NRP1: variants seen among roughly 807,000 people sequenced by gnomAD.
The protein encoded by NRP1 is neuropilin 1.
In NRP1, 35 loss-of-function variants were observed where a neutral mutation model predicts 106.7. That is an observed-to-expected ratio of 0.33 (90% CI 0.25 to 0.43). The LOEUF is 0.43. Among genes scored for constraint, NRP1 ranks in the 20% least tolerant of loss-of-function variants. The pLI is 1.00. For synonymous variants in NRP1, 437 were observed against 417.9 expected (o/e 1.05, Z -0.56); for missense variants, 1,024 against 1,170.4 (o/e 0.87, Z 1.83).
At chr10:33,264,280 C>T (rs182529148) in intron 3 of NRP1, among the ~76,000 whole-genome samples, 3 of 152,252 alleles carry the variant, frequency 2.0e-5, no homozygotes, top group African/African-American at 4.8e-5. Context: ...TTTATAAAGG[C>T]GAGGGAGAGA....
rs766104628 is a variant in NRP1 at position 33,330,848 on chromosome 10, G to C, written c.108C>G (p.Pro36=). The C allele has an allele frequency of 6.2e-7, 1 of 1,609,764 alleles. No individual in the cohort carries two copies. Among genetic ancestry groups the C allele is most frequent in the Non-Finnish European group, 8.5e-7 (1 of 1,177,802 alleles). The stretch of plus-strand genomic sequence containing the variant: ...GATAACCAGGAGATGTAAGGTACCC[G>C]GGGCTTTCAATTTTTATAGTATCGC... The part of the protein sequence containing the change: ...KCGDTIKIES[P]GYLTSPGYPH... The change falls in exon 2 of 17, where the codon CCC becomes CCG. Residue 36 remains proline (P), a synonymous_variant. Coordinates refer to ENST00000374867, the MANE Select transcript of NRP1 (RefSeq NM_003873.7).
chr10:33,319,515 C>T (rs1847302160), intron 2 of NRP1, among the ~76,000 whole-genome samples: 2 of 151,956 alleles, frequency 1.3e-5, no homozygotes, highest in South Asian at 4.2e-4. Flanking sequence ...TTCTTTCCCT[C>T]CTCACAATAA....
At position 33,186,204 on chromosome 10, in the gene NRP1, G is replaced by A. The variant is rs1274538414; in HGVS notation, c.2334+13C>T. 6.4e-7 allele frequency: 1 copy of A among 1,571,796 alleles called. No individual in the cohort carries two copies. Among genetic ancestry groups the A allele is most frequent in the South Asian group, 1.2e-5 (1 of 84,920 alleles). On this transcript the variant is annotated intron_variant, in intron 14 of 16. Transcript: ENST00000374867. ...CAGCCACTGCCCTCCCCAGCCTTGG[G>A]AAGAGGTCATACCTGATAAAGTTTC... is the stretch of plus-strand genomic sequence containing the variant.
chr10:33,179,914 G>A lies in NRP1; in HGVS notation c.*162C>T. ...AGTCCGATGGTGAACACAGCTCCTT[G>A]TCCATGTCTGTCGGCCATACTCATT... On this transcript the variant is annotated 3_prime_UTR_variant, in exon 17 of 17. Coordinates refer to ENST00000374867, the MANE Select transcript of NRP1 (RefSeq NM_003873.7). 1.4e-6 allele frequency: 1 copy of A among 711,452 alleles called. No individual in the cohort carries two copies. Among genetic ancestry groups the A allele is most frequent in the Non-Finnish European group, 2.4e-6 (1 of 412,528 alleles). The allele number at this position is 711,452 out of a possible 1,614,324, so 44.1% of individuals were successfully genotyped here.
At chr10:33,304,033 T>C (rs1015420315) in intron 2 of NRP1, among the ~76,000 whole-genome samples, 2 of 152,226 alleles carry the variant, frequency 1.3e-5, no homozygotes, top group African/African-American at 4.8e-5. Context: ...AAGCTATAAA[T>C]TGGGGATTCA....
Position 33,207,717 on chromosome 10 carries a change from CTG to C in NRP1, c.1615-3_1615-2del, listed in dbSNP as rs1564381961. 1 of 1,612,704 alleles carries C rather than the reference CTG, an allele frequency of 6.2e-7. No homozygotes were observed. The highest frequency in any genetic ancestry group is 8.5e-7 in the Non-Finnish European group (1 of 1,179,568). ...CATAGTTGTTGTTGCCCTCAAAAGA[CTG>C]TGAAGCATGGAAAACACAGGGCATT... On this transcript the variant is annotated splice_acceptor_variant and splice_polypyrimidine_tract_variant and intron_variant, in intron 9 of 16. Transcript: ENST00000374867. LOFTEE classifies it high-confidence loss of function.
At chr10:33,237,043 A>G (rs1159654402) in intron 6 of NRP1, among the ~76,000 whole-genome samples, 1 of 151,902 alleles carries the variant, frequency 6.6e-6, no homozygotes, top group Non-Finnish European at 1.5e-5. Flanking sequence ...CTAGCAACTG[A>G]TAAACTATGG....
chr10:33,240,213 A>C (rs1460192902), intron 6 of NRP1, among the ~76,000 whole-genome samples: 2 of 152,122 alleles, frequency 1.3e-5, no homozygotes, highest in East Asian at 1.9e-4. Flanking sequence ...ACACACACAC[A>C]CCTCTCCAGG....
At position 33,186,347 on chromosome 10, in the gene NRP1, G is replaced by A. The variant is rs766507281; in HGVS notation, c.2204C>T (p.Thr735Ile). 2 of 1,614,164 alleles carry A rather than the reference G, an allele frequency of 1.2e-6. No individual in the cohort carries two copies. Among genetic ancestry groups the A allele is most frequent in the Non-Finnish European group, 1.7e-6 (2 of 1,180,032 alleles). Residue 735 changes from threonine (T) to isoleucine (I), a missense_variant, in exon 14 of 17, where the codon ACA becomes ATA. This residue lies in a region of NRP1 where 562 missense variants were observed against 620.3 expected (regional missense o/e 0.91). Coordinates refer to ENST00000374867, the MANE Select transcript of NRP1 (RefSeq NM_003873.7). Reference sequence around the variant, plus strand: ...CTGGTAGCGCAGTTTGACCCTGAGTGTGCCGACGTGGGACCCAGACATGTG... The same window carrying A: ...CTGGTAGCGCAGTTTGACCCTGAGTATGCCGACGTGGGACCCAGACATGTG... ...WYHMSGSHVG[T>I]LRVKLRYQKP...
At chr10:33,305,909 C>T (rs556617248) in intron 2 of NRP1, among the ~76,000 whole-genome samples, 11 of 152,056 alleles carry the variant, frequency 7.2e-5, no homozygotes, top group Non-Finnish European at 1.3e-4. Context: ...GCTGGGACTA[C>T]AGGCACATAC....
At chr10:33,284,851 A>C (rs977399414) in intron 2 of NRP1, among the ~76,000 whole-genome samples, 8 of 152,236 alleles carry the variant, frequency 5.3e-5, no homozygotes. Flanking sequence ...CTTTTATGAC[A>C]TAATACCTAT....
chr10:33,306,347 G>T (rs2132741648), intron 2 of NRP1, among the ~76,000 whole-genome samples: 1 of 118,908 alleles, frequency 8.4e-6, no homozygotes, highest in Admixed American at 9.5e-5. Context: ...CATTCTGCGG[G>T]TCAGAAGGGT....
intron 6 of NRP1, among the ~76,000 whole-genome samples, chr10:33,241,591 G>T (rs1403158418): frequency 1.3e-5 from 2 of 152,110 alleles, no homozygotes; most frequent in African/African-American, 4.8e-5. Flanking sequence ...ACTTGGAGGT[G>T]ACAAGAGGTG....
At chr10:33,328,225 T>C (rs1848030451) in intron 2 of NRP1, among the ~76,000 whole-genome samples, 1 of 152,122 alleles carries the variant, frequency 6.6e-6, no homozygotes, top group South Asian at 2.1e-4. Context: ...ACCAAAAAGG[T>C]GCTCCTTTAA....
chr10:33,180,482 A>T (rs1485935868), intron 16 of NRP1, 117 bp from the exon 17 acceptor site: 1 of 1,003,408 alleles, frequency 1.0e-6, no homozygotes, highest in Non-Finnish European at 1.5e-6. Flanking sequence ...TTTGCCTGTC[A>T]TATCTGACTC....
chr10:33,199,831 C>A (rs1340182007), intron 11 of NRP1, among the ~76,000 whole-genome samples: 1 of 152,122 alleles, frequency 6.6e-6, no homozygotes, highest in Admixed American at 6.5e-5. Context: ...AGATTTGTGA[C>A]GATCTTTATT....
In NRP1 at chr10:33,325,271, G is replaced by C. The variant is rs370691638; in HGVS notation, c.248+5437C>G. ...CAGTTTTCCATAAAACAAGGATTTTGTTTTAGTCTAAGTGATGCTCTAAAA... is the reference window on the plus strand; with the variant it reads ...CAGTTTTCCATAAAACAAGGATTTTCTTTTAGTCTAAGTGATGCTCTAAAA... On this transcript the variant is annotated intron_variant, in intron 2 of 16. Transcript: ENST00000374867. Among the ~76,000 whole-genome samples, 5 of 152,248 alleles carry C rather than the reference G, an allele frequency of 3.3e-5. No individual in the cohort carries two copies. In the East Asian group the frequency reaches 9.6e-4, roughly 29 times the overall value.
chr10:33,263,567 T>C (rs1842718761), intron 4 of NRP1, 79 bp downstream of exon 4: 2 of 1,007,462 alleles, frequency 2.0e-6, no homozygotes, highest in African/African-American at 3.2e-5. Flanking sequence ...ATGATTCATG[T>C]ATCATGAGAC....
chr10:33,252,185 C>T (rs1267645092), intron 6 of NRP1, among the ~76,000 whole-genome samples: 1 of 152,104 alleles, frequency 6.6e-6, no homozygotes, highest in African/African-American at 2.4e-5. Flanking sequence ...AGCACAACGA[C>T]GTGGAGTTTG....
Sources: gnomAD v4.1 joint callset for allele counts (sites outside exome capture counted in the v4.1 genomes callset) on GRCh38, gnomAD v4.1.1 for gene constraint, gnomAD v4.1.1 regional missense constraint, MANE v1.5 for transcripts, NCBI Gene and HGNC (gene_info 2026-07-23, HGNC 2026-07-21) for gene names.